The following KCND2 variants were observed in gnomAD, a reference collection of about 807,000 sequenced individuals.
KCND2 encodes A-type voltage-gated potassium channel KCND2.
Under a neutral mutation model 54.4 loss-of-function variants are expected in KCND2, and 16 were observed. The ratio of observed to expected loss-of-function variants is 0.29; its 90% CI spans 0.20 to 0.45. The LOEUF (loss-of-function observed/expected upper bound fraction) is 0.45, where lower values mean the gene tolerates loss of function less well. Ranked by LOEUF, KCND2 falls within the 20% of genes least tolerant of loss-of-function variation. The probability of loss-of-function intolerance (pLI) is 1.00; values close to 1 mark genes in which losing one functional copy is unlikely to be tolerated. For synonymous variants in KCND2, 317 were observed against 310.7 expected, an observed-to-expected ratio of 1.02 and a Z score of -0.21; for missense variants, 486 against 824.2, an observed-to-expected ratio of 0.59 and a Z score of 5.02.
chr7:120,389,063 T>C (rs1201794453), intron 1 of KCND2, among the ~76,000 whole-genome samples: 1 of 151,778 alleles, frequency 6.6e-6, no homozygotes, highest in Non-Finnish European at 1.5e-5. Flanking sequence ...ACATACATAA[T>C]TCAGTTCCAC....
At chr7:120,652,735 G>A (rs1232192124) in intron 1 of KCND2, among the ~76,000 whole-genome samples, 1 of 152,110 alleles carries the variant, frequency 6.6e-6, no homozygotes, top group Non-Finnish European at 1.5e-5. Flanking sequence ...GTGTTTGGAT[G>A]GCTCATCACT....
At chr7:120,532,057 G>A (rs1250959045) in intron 1 of KCND2, among the ~76,000 whole-genome samples, 1 of 151,994 alleles carries the variant, frequency 6.6e-6, no homozygotes, top group Non-Finnish European at 1.5e-5. Context: ...TATGAGTTGA[G>A]GAGGACTAAA....
chr7:120,328,615 A>G (rs940467800), intron 1 of KCND2, among the ~76,000 whole-genome samples: 4 of 152,164 alleles, frequency 2.6e-5, no homozygotes, highest in African/African-American at 4.8e-5. Context: ...GAATTAGTAC[A>G]TAAAATGTAT....
chr7:120,373,454 T>A (rs1178737573), intron 1 of KCND2, among the ~76,000 whole-genome samples: 2 of 151,904 alleles, frequency 1.3e-5, no homozygotes, highest in African/African-American at 2.4e-5. Flanking sequence ...AAAGCTCTTT[T>A]CCTACTCCTT....
At chr7:120,601,594 T>C (rs1792814064) in intron 1 of KCND2, among the ~76,000 whole-genome samples, 2 of 151,986 alleles carry the variant, frequency 1.3e-5, no homozygotes. Context: ...AGATTTAGCC[T>C]TCTCTACAGG....
chr7:120,294,252 C>T (rs1219685867), intron 1 of KCND2, among the ~76,000 whole-genome samples: 1 of 151,822 alleles, frequency 6.6e-6, no homozygotes, highest in Non-Finnish European at 1.5e-5. Flanking sequence ...AATATACATT[C>T]ATTATAGCAG....
At chr7:120,555,946 A>G (rs1428632436) in intron 1 of KCND2, among the ~76,000 whole-genome samples, 2 of 152,346 alleles carry the variant, frequency 1.3e-5, no homozygotes, top group African/African-American at 4.8e-5. Flanking sequence ...TATATTTAAA[A>G]ATTATAATTT....
intron 1 of KCND2, among the ~76,000 whole-genome samples, chr7:120,425,450 G>C (rs1264215926): frequency 6.6e-6 from 1 of 152,216 alleles, no homozygotes; most frequent in Non-Finnish European, 1.5e-5. Context: ...GTTCAGAAAT[G>C]TGACATACAG....
At chr7:120,702,097 C>T (rs534635211) in intron 1 of KCND2, among the ~76,000 whole-genome samples, 30 of 151,766 alleles carry the variant, frequency 2.0e-4, no homozygotes, top group African/African-American at 7.0e-4. Flanking sequence ...GGAACTTAAA[C>T]AAATTTACAA....
At chr7:120,382,313 A>G (rs1800926879) in intron 1 of KCND2, among the ~76,000 whole-genome samples, 1 of 151,910 alleles carries the variant, frequency 6.6e-6, no homozygotes, top group African/African-American at 2.4e-5. Context: ...TGAAAATTTT[A>G]TAGGGCATAG....
chr7:120,513,217 C>A (rs111668854), intron 1 of KCND2, among the ~76,000 whole-genome samples: 9 of 152,266 alleles, frequency 5.9e-5, no homozygotes, highest in African/African-American at 1.9e-4. Flanking sequence ...AATAACTGCA[C>A]AAACGTGCTG....
rs529653019 is a variant in KCND2 at position 120,559,504 on chromosome 7, A to G, written c.1116-173399A>G. ...GAAAGGCAGAGACTCAGGGCTGAATATTAGCCACCAACTAGAGGATAGGAT... is the reference window on the plus strand; with the variant it reads ...GAAAGGCAGAGACTCAGGGCTGAATGTTAGCCACCAACTAGAGGATAGGAT... On this transcript the variant is annotated intron_variant, in intron 1 of 5. Coordinates refer to ENST00000331113, the MANE Select transcript of KCND2 (RefSeq NM_012281.3). Among the ~76,000 whole-genome samples, 26 of 152,340 alleles carry G rather than the reference A, an allele frequency of 1.7e-4. No homozygotes were observed. In the South Asian group the frequency reaches 4.8e-3, roughly 28 times the overall value.
At chr7:120,530,969 T>C (rs1222573369) in intron 1 of KCND2, among the ~76,000 whole-genome samples, 3 of 152,096 alleles carry the variant, frequency 2.0e-5, no homozygotes, top group Non-Finnish European at 4.4e-5. Flanking sequence ...CTGTTTTTTC[T>C]GTATACAACT....
intron 1 of KCND2, among the ~76,000 whole-genome samples, chr7:120,314,456 G>C (rs2116319802): frequency 6.6e-6 from 1 of 152,222 alleles, no homozygotes. Flanking sequence ...TGTATGGACA[G>C]TGTGGGAGAA....
At chr7:120,448,177 C>G (rs1441885766) in intron 1 of KCND2, among the ~76,000 whole-genome samples, 1 of 151,104 alleles carries the variant, frequency 6.6e-6, no homozygotes, top group Non-Finnish European at 1.5e-5. Context: ...TATCCCTCCC[C>G]CCTCACCCCA....
intron 1 of KCND2, among the ~76,000 whole-genome samples, chr7:120,708,761 C>T (rs1792501118): frequency 6.6e-6 from 1 of 151,996 alleles, no homozygotes; most frequent in South Asian, 2.1e-4. Context: ...AATACCCTCC[C>T]AACCTGCTTA....
chr7:120,585,628 G>A lies in KCND2; in HGVS notation c.1116-147275G>A, dbSNP rs140707311. On this transcript the variant is annotated intron_variant, in intron 1 of 5. Coordinates refer to ENST00000331113, the MANE Select transcript of KCND2 (RefSeq NM_012281.3). Reference sequence around the variant, plus strand: ...GTATCAAGGGGAGAAAAGAGAGTAGGAAATAAGTAGAGGGCAGGTGTCATC... The same window carrying A: ...GTATCAAGGGGAGAAAAGAGAGTAGAAAATAAGTAGAGGGCAGGTGTCATC... Among the ~76,000 whole-genome samples, 544 of 152,174 alleles carry A rather than the reference G, an allele frequency of 3.6e-3. 5 individuals are homozygous for A. Among genetic ancestry groups the A allele is most frequent in the African/African-American group, 0.012 (515 of 41,520 alleles).
chr7:120,285,465 GA>G (rs1193420335), intron 1 of KCND2, among the ~76,000 whole-genome samples: 1 of 151,820 alleles, frequency 6.6e-6, no homozygotes, highest in Non-Finnish European at 1.5e-5. Context: ...ACTATAGTTA[GA>G]AAAAATGCAC....
chr7:120,372,708 C>G (rs1299588849), intron 1 of KCND2, among the ~76,000 whole-genome samples: 1 of 151,850 alleles, frequency 6.6e-6, no homozygotes, highest in East Asian at 1.9e-4. Context: ...AACTTTCACA[C>G]AAATAATCAA....
Sources: allele counts gnomAD v4.1 joint callset (sites outside exome capture counted in the v4.1 genomes callset), GRCh38; gene constraint gnomAD v4.1.1; transcripts MANE v1.5; gene names NCBI Gene and HGNC (gene_info 2026-07-23, HGNC 2026-07-21).